Variants in PACRG observed in about 807,000 individuals in gnomAD.
PACRG encodes the protein parkin coregulated gene protein.
In PACRG, 29 loss-of-function variants were observed where a neutral mutation model predicts 29.7. The ratio of observed to expected loss-of-function variants is 0.98; its 90% CI spans 0.73 to 1.33. PACRG has a LOEUF of 1.33. Among genes scored for constraint, PACRG ranks in the 40% most tolerant of loss-of-function variants. PACRG has a pLI of 0.00. For synonymous variants in PACRG, 116 were observed against 118.7 expected (o/e 0.98, Z 0.15); for missense variants, 279 against 316.2 (o/e 0.88, Z 0.89).
chr6:163,151,309 T>A (rs1402081819), intron 4 of PACRG, among the ~76,000 whole-genome samples: 1 of 152,166 alleles, frequency 6.6e-6, no homozygotes, highest in Non-Finnish European at 1.5e-5. Flanking sequence ...AAATCTTATG[T>A]TTTTTAATGT....
At chr6:162,752,303 A>G (rs1405450897) in intron 1 of PACRG, among the ~76,000 whole-genome samples, 1 of 152,194 alleles carries the variant, frequency 6.6e-6, no homozygotes, top group African/African-American at 2.4e-5. Flanking sequence ...ATGAGAGGCA[A>G]GTATGTGAAG....
chr6:163,180,352 T>C (rs1779595862), intron 4 of PACRG, among the ~76,000 whole-genome samples: 1 of 152,250 alleles, frequency 6.6e-6, no homozygotes, highest in Admixed American at 6.5e-5. Context: ...CACAAGATGT[T>C]CTACTAACTA....
chr6:162,874,151 A>T (rs11756555), intron 2 of PACRG, among the ~76,000 whole-genome samples: 22,149 of 136,152 alleles, frequency 0.16, 1,962 homozygotes, highest in East Asian at 0.24. Context: ...AAAAAAAAAA[A>T]ATATATATAT....
Position 163,073,520 on chromosome 6 carries a change from G to A in PACRG, c.463+11199G>A, listed in dbSNP as rs374516082. ...GGGAAAATCTCCAGGACATTGGTCT[G>A]GGCAAAAATTTCTTGAACAATACCT... On this transcript the variant is annotated intron_variant, in intron 3 of 4. Transcript: ENST00000366888. Among the ~76,000 whole-genome samples, 15 of 152,240 alleles carry A rather than the reference G, an allele frequency of 9.9e-5. No homozygotes were observed. In the East Asian group the frequency reaches 2.9e-3, roughly 29 times the overall value.
At chr6:163,298,463 C>G (rs979783461) in intron 4 of PACRG, among the ~76,000 whole-genome samples, 1 of 152,230 alleles carries the variant, frequency 6.6e-6, no homozygotes, top group African/African-American at 2.4e-5. Context: ...CCTAACCTTT[C>G]TGAACAATCA....
At chr6:163,038,377 A>G (rs1218047034) in intron 2 of PACRG, among the ~76,000 whole-genome samples, 2 of 152,244 alleles carry the variant, frequency 1.3e-5, no homozygotes, top group Non-Finnish European at 2.9e-5. Flanking sequence ...GTGAAGCTGG[A>G]AAGAAAATGG....
At chr6:162,752,484 G>A (rs574199052) in intron 1 of PACRG, among the ~76,000 whole-genome samples, 51 of 152,234 alleles carry the variant, frequency 3.4e-4, no homozygotes, top group Middle Eastern at 3.4e-3. Flanking sequence ...TTGCTTTCCT[G>A]ATTGTGACAA....
chr6:163,304,001 G>A (rs1249083863), intron 4 of PACRG, among the ~76,000 whole-genome samples: 1 of 112,002 alleles, frequency 8.9e-6, no homozygotes, highest in South Asian at 3.1e-4. Flanking sequence ...GGGTGACAGA[G>A]CAAGACTCCA....
At chr6:163,178,783 A>G (rs1236421200) in intron 4 of PACRG, among the ~76,000 whole-genome samples, 1 of 152,022 alleles carries the variant, frequency 6.6e-6, no homozygotes, top group Admixed American at 6.5e-5. Context: ...ACTTCCCCAC[A>G]CCCACCACAG....
At chr6:163,182,864 A>G (rs10806772) in intron 4 of PACRG, 65,185 of 152,116 alleles carry the variant, frequency 0.43, 15,828 homozygotes, top group African/African-American at 0.67. Context: ...CCAAAACAGA[A>G]GCCTCCACTT....
chr6:162,887,835 C>T (rs917476694), intron 2 of PACRG, among the ~76,000 whole-genome samples: 2 of 152,146 alleles, frequency 1.3e-5, no homozygotes, highest in African/African-American at 2.4e-5. Flanking sequence ...GACTCAGCAT[C>T]CAGTCTCTGA....
At chr6:162,876,610 TC>T (rs1185384326) in intron 2 of PACRG, among the ~76,000 whole-genome samples, 1 of 152,176 alleles carries the variant, frequency 6.6e-6, no homozygotes, top group African/African-American at 2.4e-5. Context: ...TGGATATTAG[TC>T]CTTTGTCAGA....
intron 2 of PACRG, among the ~76,000 whole-genome samples, chr6:162,965,903 G>A (rs1156725301): frequency 6.6e-6 from 1 of 152,234 alleles, no homozygotes; most frequent in Admixed American, 6.5e-5. Flanking sequence ...CTGGACTAGA[G>A]GGCTTGAGAT....
chr6:162,917,267 G>T (rs1796759887), intron 2 of PACRG, among the ~76,000 whole-genome samples: 1 of 152,164 alleles, frequency 6.6e-6, no homozygotes, highest in African/African-American at 2.4e-5. Flanking sequence ...TTATCCTGGA[G>T]CAGTGAAGTT....
intron 2 of PACRG, among the ~76,000 whole-genome samples, chr6:162,965,826 A>G (rs1800976994): frequency 6.6e-6 from 1 of 152,190 alleles, no homozygotes; most frequent in Admixed American, 6.5e-5. Flanking sequence ...TCACCCACTG[A>G]CCTCTTCTTC....
rs938533843 is a variant in PACRG at position 163,079,297 on chromosome 6, T to C, written c.464-9962T>C. Among the ~76,000 whole-genome samples, 4 of 151,834 alleles carry C rather than the reference T, an allele frequency of 2.6e-5. No individual in the cohort carries two copies. The East Asian group carries it at 7.8e-4, about 29-fold the overall frequency. On this transcript the variant is annotated intron_variant, in intron 3 of 4. Coordinates refer to ENST00000366888, the MANE Select transcript of PACRG (RefSeq NM_001080379.2). ...TCCAAGTTACAGTAAAAACTTTAGA[T>C]GGAAACTGGACTCGATCAAATATAG...
chr6:162,798,404 A>G (rs940023920), intron 1 of PACRG, among the ~76,000 whole-genome samples: 2 of 152,134 alleles, frequency 1.3e-5, no homozygotes, highest in Non-Finnish European at 2.9e-5. Flanking sequence ...GGTGTTTTCT[A>G]GAATCCCTCA....
chr6:162,772,166 G>T (rs1287993008), intron 1 of PACRG, among the ~76,000 whole-genome samples: 1 of 152,204 alleles, frequency 6.6e-6, no homozygotes, highest in Non-Finnish European at 1.5e-5. Context: ...GAAATACTGT[G>T]TAGGCATGAC....
At chr6:163,046,791 A>G (rs575711510) in intron 2 of PACRG, 9 of 152,336 alleles carry the variant, frequency 5.9e-5, no homozygotes, top group Admixed American at 2.0e-4. Context: ...GCACAATGCT[A>G]TAACTATTGT....
Sources: gnomAD v4.1 joint callset for allele counts (sites outside exome capture counted in the v4.1 genomes callset) on GRCh38, gnomAD v4.1.1 for gene constraint, MANE v1.5 for transcripts, NCBI Gene and HGNC (gene_info 2026-07-23, HGNC 2026-07-21) for gene names.